Variants in POLR3A observed in about 807,000 individuals in gnomAD.
The protein encoded by POLR3A is DNA-directed RNA polymerase III subunit RPC1.
Under a neutral mutation model 152.8 loss-of-function variants are expected in POLR3A, and 112 were observed. The observed-to-expected ratio is 0.73, with a 90% CI of 0.63 to 0.86. POLR3A has a LOEUF of 0.86. POLR3A is among the 40% of genes least tolerant of loss of function. The probability of loss-of-function intolerance (pLI) is 0.00; values close to 1 mark genes in which losing one functional copy is unlikely to be tolerated. For synonymous variants in POLR3A, 615 were observed against 652.1 expected (o/e 0.94, Z 0.87); for missense variants, 1,385 against 1,743.1 (o/e 0.79, Z 3.66).
In POLR3A at chr10:77,977,440, AG is replaced by A. The variant is rs1346047291; in HGVS notation, c.*37del. The stretch of plus-strand genomic sequence containing the variant: ...TTATACATCAGCTGGAGACAGGACA[AG>A]GAGTCAAGGTCAGGCATGGTCCCCT... On this transcript the variant is annotated 3_prime_UTR_variant, in exon 31 of 31. Coordinates refer to ENST00000372371, the MANE Select transcript of POLR3A (RefSeq NM_007055.4). 6.2e-7 allele frequency: 1 copy of A among 1,608,332 alleles called. No homozygotes were observed. The highest frequency in any genetic ancestry group is 1.3e-5 in the African/African-American group (1 of 74,936).
At chr10:78,007,896 A>C in intron 14 of POLR3A, 30 bp from the exon 15 acceptor site, 3 of 1,582,300 alleles carry the variant, frequency 1.9e-6, no homozygotes, top group Non-Finnish European at 2.6e-6. Flanking sequence ...TTTAGACAAC[A>C]ATTATTTATT....
intron 19 of POLR3A, among the ~76,000 whole-genome samples, chr10:77,993,973 C>A (rs1275705934): frequency 6.6e-6 from 1 of 152,052 alleles, no homozygotes; most frequent in Admixed American, 6.5e-5. Context: ...TAGGCAACTT[C>A]AAAACAAAAA....
At chr10:78,009,067 C>T (rs777291334) in intron 14 of POLR3A, among the ~76,000 whole-genome samples, 6 of 146,402 alleles carry the variant, frequency 4.1e-5, no homozygotes, top group East Asian at 2.1e-4. Context: ...GCAGGAGAAT[C>T]GCTTGAACCC....
chr10:77,985,726 T>C (rs536458090), intron 23 of POLR3A, among the ~76,000 whole-genome samples, 177 bp downstream of exon 23: 19 of 152,350 alleles, frequency 1.2e-4, no homozygotes, highest in Admixed American at 5.2e-4. Context: ...ATTTCCGTTA[T>C]CTTGGAGCAT....
intron 9 of POLR3A, among the ~76,000 whole-genome samples, chr10:78,018,025 T>C (rs1847541576): frequency 6.6e-6 from 1 of 151,510 alleles, no homozygotes; most frequent in Non-Finnish European, 1.5e-5. Context: ...AATACAAAAA[T>C]TAGCCAAACG....
intron 11 of POLR3A, among the ~76,000 whole-genome samples, 194 bp from the exon 12 acceptor site, chr10:78,010,734 G>GA (rs551700293): frequency 1.0e-3 from 156 of 152,190 alleles, no homozygotes; most frequent in African/African-American, 3.4e-3. Context: ...CAAGGGGAGA[G>GA]AAAAAAATAC....
In POLR3A at chr10:77,985,968, C is replaced by G; in HGVS notation, c.3006G>C (p.Gln1002His). 2 of 1,614,124 alleles carry G rather than the reference C, an allele frequency of 1.2e-6. No individual in the cohort carries two copies. The highest frequency in any genetic ancestry group is 1.7e-6 in the Non-Finnish European group (2 of 1,180,006). ...CTTGGGTGGGGGTGATGCGGTCCAG[C>G]TGGTACAGCACACGGGGCTGGGAGA... ...NGTTEPRVLY[Q>H]LDRITPTQVE... The change falls in exon 23 of 31, where the codon CAG (glutamine) becomes CAC (histidine). Residue 1002 changes from glutamine (Q) to histidine (H), a missense_variant. By Grantham distance (24) the Gln-to-His change is conservative. Transcript: ENST00000372371.
rs188803739 is a variant in POLR3A at position 78,011,620 on chromosome 10, G to A, written c.1573-1080C>T. Among the ~76,000 whole-genome samples, 173 of 152,236 alleles carry A rather than the reference G, an allele frequency of 1.1e-3. 1 individual carries two copies. Among genetic ancestry groups the A allele is most frequent in the African/African-American group, 3.9e-3 (162 of 41,528 alleles). On this transcript the variant is annotated intron_variant, in intron 11 of 30. Transcript: ENST00000372371. ...TGTGCCTCTTCATTGCACACCACCT[G>A]ACTGCTCTTACTCCTGGTTTAGAGA...
chr10:77,992,620 T>A (rs1327491371), intron 20 of POLR3A, among the ~76,000 whole-genome samples: 1 of 151,880 alleles, frequency 6.6e-6, no homozygotes, highest in Non-Finnish European at 1.5e-5. Context: ...TTTTTGTATC[T>A]TTAGTAGAGA....
In POLR3A at chr10:77,993,438, C is replaced by G. The variant is rs1847269076; in HGVS notation, c.2617-71G>C. 21 of 1,169,738 alleles carry G rather than the reference C, an allele frequency of 1.8e-5. No individual in the cohort carries two copies. The South Asian group carries it at 2.0e-4, about 11-fold the overall frequency. 72.5% of individuals were successfully genotyped at this position (1,169,738 alleles called of 1,614,324 possible). On this transcript the variant is annotated intron_variant, in intron 19 of 30. Coordinates refer to ENST00000372371, the MANE Select transcript of POLR3A (RefSeq NM_007055.4). ...TCACATGGGGAGAGGATAAGATTTG[C>G]AACTCAAGAGTCTCAAGGTTACAAG...
At chr10:77,993,508 G>C (rs1042158567) in intron 19 of POLR3A, 141 bp from the exon 20 acceptor site, 4 of 703,808 alleles carry the variant, frequency 5.7e-6, no homozygotes, top group Non-Finnish European at 1.0e-5. Context: ...CCTTTAAAAA[G>C]AGTCCTCTCA....
chr10:78,015,943 A>C (rs1847519305), intron 10 of POLR3A, among the ~76,000 whole-genome samples: 1 of 152,188 alleles, frequency 6.6e-6, no homozygotes, highest in African/African-American at 2.4e-5. Context: ...ACTACTTCTT[A>C]GTTATTTCTA....
chr10:78,013,487 AC>A, intron 11 of POLR3A, 162 bp downstream of exon 11: 1 of 705,474 alleles, frequency 1.4e-6, no homozygotes, highest in Admixed American at 2.3e-5. Context: ...CTCAAAAGAA[AC>A]CAATAAAAAG....
At chr10:78,029,031 C>A (rs1344187124) in intron 1 of POLR3A, among the ~76,000 whole-genome samples, 1 of 152,130 alleles carries the variant, frequency 6.6e-6, no homozygotes, top group Non-Finnish European at 1.5e-5. Flanking sequence ...TTGCTCCCCT[C>A]GCTGCAGCAG....
chr10:77,980,302 G>C, intron 29 of POLR3A, 29 bp from the exon 30 acceptor site: 1 of 1,612,516 alleles, frequency 6.2e-7, no homozygotes, highest in Non-Finnish European at 8.5e-7. Flanking sequence ...AGTCACGGTG[G>C]TACTCACACC....
At chr10:78,019,057 G>A in intron 9 of POLR3A, 105 bp downstream of exon 9, 1 of 838,606 alleles carries the variant, frequency 1.2e-6, no homozygotes, top group Non-Finnish European at 2.1e-6. Context: ...ATGCCAAAAT[G>A]TCACGCAAAC....
Position 77,993,221 on chromosome 10 carries a change from A to G in POLR3A, c.2763T>C (p.Phe921=). The change falls in exon 20 of 31, where the codon TTT becomes TTC. Residue 921 remains phenylalanine (F), a synonymous_variant. Transcript: ENST00000372371. ...CTTTGATGTTGTCCAGAACCCTTTT[A>G]AACTCCAAAGGTTCATCTTTTCCCT... is the stretch of plus-strand genomic sequence containing the variant. The part of the protein sequence containing the change: ...AMEGKDEPLE[F]KRVLDNIKAV... The G allele has an allele frequency of 6.2e-7, 1 of 1,613,804 alleles. No homozygotes were observed. The highest frequency in any genetic ancestry group is 8.5e-7 in the Non-Finnish European group (1 of 1,179,698).
intron 21 of POLR3A, among the ~76,000 whole-genome samples, chr10:77,988,578 T>C (rs1847219152): frequency 6.6e-6 from 1 of 152,148 alleles, no homozygotes; most frequent in Non-Finnish European, 1.5e-5. Flanking sequence ...ACTCTCCTGA[T>C]TCCTTGTTAT....
At chr10:78,001,661 T>G (rs1316093252) in intron 17 of POLR3A, among the ~76,000 whole-genome samples, 1 of 152,170 alleles carries the variant, frequency 6.6e-6, no homozygotes, top group Non-Finnish European at 1.5e-5. Context: ...AATAGAAGAA[T>G]TATGCCACAT....
Sources: allele counts gnomAD v4.1 joint callset (sites outside exome capture counted in the v4.1 genomes callset), GRCh38; gene constraint gnomAD v4.1.1; transcripts MANE v1.5; gene names NCBI Gene and HGNC (gene_info 2026-07-23, HGNC 2026-07-21).